NAALADL2: variants seen among roughly 807,000 people sequenced by gnomAD.
The protein encoded by NAALADL2 is inactive N-acetylated-alpha-linked acidic dipeptidase-like protein 2.
Under a neutral mutation model 87.2 loss-of-function variants are expected in NAALADL2, and 76 were observed. The ratio of observed to expected loss-of-function variants is 0.87; its 90% CI spans 0.72 to 1.05. NAALADL2 has a LOEUF of 1.05. Among genes scored for constraint, NAALADL2 ranks in the 50% least tolerant of loss-of-function variants. The probability of loss-of-function intolerance (pLI) is 0.00; values close to 1 mark genes in which losing one functional copy is unlikely to be tolerated. For synonymous variants in NAALADL2, 354 were observed against 331.0 expected (o/e 1.07, Z -0.75); for missense variants, 1,089 against 945.8 (o/e 1.15, Z -1.99).
chr3:175,785,128 G>A (rs969943546), intron 13 of NAALADL2, among the ~76,000 whole-genome samples: 12 of 150,600 alleles, frequency 8.0e-5, no homozygotes, highest in Admixed American at 4.6e-4. Context: ...TTCCAACTAT[G>A]TGGTCAATTT....
chr3:174,917,375 A>G (rs562604706), intron 1 of NAALADL2, among the ~76,000 whole-genome samples: 62 of 152,278 alleles, frequency 4.1e-4, no homozygotes, highest in African/African-American at 1.4e-3. Flanking sequence ...TACATTCAGA[A>G]TGCTTGGTCA....
chr3:175,751,003 T>C (rs1026316427), intron 12 of NAALADL2, among the ~76,000 whole-genome samples: 1 of 151,432 alleles, frequency 6.6e-6, no homozygotes, highest in African/African-American at 2.4e-5. Context: ...GTTTGAAATT[T>C]GTAAGTTAAT....
At chr3:175,611,312 G>T (rs1008729730) in intron 10 of NAALADL2, among the ~76,000 whole-genome samples, 2 of 152,012 alleles carry the variant, frequency 1.3e-5, no homozygotes, top group South Asian at 4.1e-4. Context: ...TGTGAAATTT[G>T]CTCACTGATA....
intron 9 of NAALADL2, among the ~76,000 whole-genome samples, chr3:175,486,054 A>G (rs899972691): frequency 6.6e-6 from 1 of 152,040 alleles, no homozygotes; most frequent in Non-Finnish European, 1.5e-5. Context: ...TGGTTGCTCA[A>G]TCTGCCCAGT....
At chr3:175,350,255 T>G (rs16825527) in intron 5 of NAALADL2, among the ~76,000 whole-genome samples, 74,736 of 151,932 alleles carry the variant, frequency 0.49, 18,497 homozygotes, top group Non-Finnish European at 0.51. Context: ...ATAAAGGCAG[T>G]AAAAATATAC....
intron 1 of NAALADL2, among the ~76,000 whole-genome samples, chr3:174,510,712 C>CTT (rs58709860): frequency 0.031 from 4,771 of 151,576 alleles, 237 homozygotes; most frequent in African/African-American, 0.11. Flanking sequence ...CTGCTTTCAC[C>CTT]TTTATTATTT....
intron 1 of NAALADL2, among the ~76,000 whole-genome samples, chr3:174,520,697 T>C (rs970686069): frequency 1.3e-5 from 2 of 151,934 alleles, no homozygotes; most frequent in African/African-American, 4.8e-5. Context: ...AAAAGAAAAA[T>C]AGACAAATAG....
At chr3:175,465,598 G>A (rs530127602) in intron 7 of NAALADL2, among the ~76,000 whole-genome samples, 3 of 149,378 alleles carry the variant, frequency 2.0e-5, no homozygotes, top group Non-Finnish European at 4.4e-5. Flanking sequence ...TCAGCCTCCC[G>A]AATAGCTGGA....
At chr3:175,280,414 G>A (rs551625009) in intron 4 of NAALADL2, among the ~76,000 whole-genome samples, 2 of 151,958 alleles carry the variant, frequency 1.3e-5, no homozygotes, top group African/African-American at 2.4e-5. Context: ...TCATAAAAAA[G>A]GTTTAATGTT....
chr3:174,820,784 A>C (rs931036750), intron 3 of NAALADL2, among the ~76,000 whole-genome samples: 3 of 152,160 alleles, frequency 2.0e-5, no homozygotes, highest in Non-Finnish European at 4.4e-5. Flanking sequence ...TTAATTTAAT[A>C]AAAGTAGTAT....
chr3:174,811,940 C>G (rs974822356), intron 3 of NAALADL2, among the ~76,000 whole-genome samples: 2 of 151,982 alleles, frequency 1.3e-5, no homozygotes, highest in South Asian at 4.2e-4. Flanking sequence ...TGAAATCTGC[C>G]TTTTTTAAGT....
At chr3:175,214,317 A>T (rs955624416) in intron 2 of NAALADL2, among the ~76,000 whole-genome samples, 15 of 152,172 alleles carry the variant, frequency 9.9e-5, no homozygotes, top group African/African-American at 3.6e-4. Flanking sequence ...CAAAGCTGAA[A>T]ATTCTGCTGT....
At chr3:175,759,296 G>A (rs987609609) in intron 13 of NAALADL2, among the ~76,000 whole-genome samples, 1 of 151,378 alleles carries the variant, frequency 6.6e-6, no homozygotes, top group Non-Finnish European at 1.5e-5. Flanking sequence ...CAGCCAAAAA[G>A]TACTTTTGTG....
chr3:175,606,411 G>A (rs923452293), intron 10 of NAALADL2, among the ~76,000 whole-genome samples: 6 of 148,898 alleles, frequency 4.0e-5, no homozygotes, highest in East Asian at 2.0e-4. Context: ...ATATGAAAAC[G>A]CCTTTGCTGC....
At chr3:175,415,784 T>C (rs1714515261) in intron 5 of NAALADL2, among the ~76,000 whole-genome samples, 1 of 151,502 alleles carries the variant, frequency 6.6e-6, no homozygotes, top group African/African-American at 2.4e-5. Flanking sequence ...TATTAGGCAA[T>C]ATATAGCCAG....
chr3:175,370,778 T>A (rs1766379308), intron 5 of NAALADL2, among the ~76,000 whole-genome samples: 1 of 152,224 alleles, frequency 6.6e-6, no homozygotes, highest in African/African-American at 2.4e-5. Flanking sequence ...TTTAAAAGTA[T>A]AAACACCGTA....
intron 1 of NAALADL2, among the ~76,000 whole-genome samples, chr3:174,981,791 C>A (rs2108655683): frequency 6.6e-6 from 1 of 152,216 alleles, no homozygotes; most frequent in African/African-American, 2.4e-5. Context: ...TACTCACCTA[C>A]CTTTTGTTTC....
chr3:175,101,202 A>T (rs1430690759), intron 2 of NAALADL2, among the ~76,000 whole-genome samples: 2 of 152,134 alleles, frequency 1.3e-5, no homozygotes, highest in African/African-American at 4.8e-5. Flanking sequence ...TTTGCAATTT[A>T]TTCTAGCTTT....
intron 2 of NAALADL2, among the ~76,000 whole-genome samples, chr3:174,573,645 G>A (rs897683236): frequency 2.6e-5 from 4 of 152,140 alleles, no homozygotes; most frequent in African/African-American, 9.7e-5. Flanking sequence ...GCAGGTTTGT[G>A]CAGAGATGAC....
Sources: allele counts gnomAD v4.1 joint callset (sites outside exome capture counted in the v4.1 genomes callset), GRCh38; gene constraint gnomAD v4.1.1; transcripts MANE v1.5; gene names NCBI Gene and HGNC (gene_info 2026-07-23, HGNC 2026-07-21).